CNTN5: variants seen among roughly 807,000 people sequenced by gnomAD.
CNTN5 encodes contactin 5.
A neutral mutation model predicts 129.1 loss-of-function variants in CNTN5; 77 were observed. That is an observed-to-expected ratio of 0.60 (90% CI 0.50 to 0.72). The LOEUF (loss-of-function observed/expected upper bound fraction) is 0.72. CNTN5 is among the 30% of genes least tolerant of loss of function. The pLI is 0.00. For synonymous variants in CNTN5, 509 were observed against 465.6 expected (o/e 1.09, Z -1.20); for missense variants, 1,478 against 1,328.8 (o/e 1.11, Z -1.75).
intron 3 of CNTN5, among the ~76,000 whole-genome samples, chr11:99,637,739 C>G (rs1262243057): frequency 6.6e-6 from 1 of 151,662 alleles, no homozygotes; most frequent in Non-Finnish European, 1.5e-5. Context: ...ACTATTATAT[C>G]AGTCTTGCCT....
At chr11:99,049,016 C>T (rs1424567049) in intron 1 of CNTN5, among the ~76,000 whole-genome samples, 1 of 151,954 alleles carries the variant, frequency 6.6e-6, no homozygotes, top group East Asian at 1.9e-4. Flanking sequence ...TCGTTCAATC[C>T]CTCTACCCTT....
chr11:100,020,390 C>T (rs1081364), intron 9 of CNTN5, among the ~76,000 whole-genome samples: 1,964 of 151,852 alleles, frequency 0.013, 60 homozygotes, highest in African/African-American at 0.045. Flanking sequence ...AAAGACTGTC[C>T]TTTCCTCATG....
At chr11:99,467,611 CT>C (rs1198541213) in intron 2 of CNTN5, among the ~76,000 whole-genome samples, 1 of 152,056 alleles carries the variant, frequency 6.6e-6, no homozygotes, top group East Asian at 1.9e-4. Context: ...ATTACTCTAG[CT>C]TTGTTACACA....
At chr11:99,747,509 A>G (rs1393206047) in intron 3 of CNTN5, among the ~76,000 whole-genome samples, 1 of 116,654 alleles carries the variant, frequency 8.6e-6, no homozygotes, top group Admixed American at 1.3e-4. Context: ...TCTGTAGCCC[A>G]GGCTGGAGTG....
intron 13 of CNTN5, among the ~76,000 whole-genome samples, chr11:100,084,617 T>A (rs1944478796): frequency 6.6e-6 from 1 of 152,074 alleles, no homozygotes; most frequent in East Asian, 1.9e-4. Flanking sequence ...CATATACAGA[T>A]GTTATCATTT....
chr11:99,710,637 C>T (rs890321245), intron 3 of CNTN5, among the ~76,000 whole-genome samples: 1 of 150,644 alleles, frequency 6.6e-6, no homozygotes, highest in African/African-American at 2.4e-5. Flanking sequence ...TAAAGGTCCA[C>T]ATCCCAAATC....
At chr11:99,184,601 C>T (rs1331970435) in intron 1 of CNTN5, among the ~76,000 whole-genome samples, 1 of 151,998 alleles carries the variant, frequency 6.6e-6, no homozygotes, top group Non-Finnish European at 1.5e-5. Context: ...TAGTCAATAG[C>T]CATTATGGAA....
chr11:100,192,982 T>C (rs1948535454), intron 14 of CNTN5, among the ~76,000 whole-genome samples: 1 of 151,946 alleles, frequency 6.6e-6, no homozygotes. Flanking sequence ...CAAGGTAGTG[T>C]TGTTGTAGTA....
chr11:99,726,667 A>G (rs1159644961), intron 3 of CNTN5, among the ~76,000 whole-genome samples: 1 of 152,222 alleles, frequency 6.6e-6, no homozygotes, highest in African/African-American at 2.4e-5. Flanking sequence ...TGACAATTCT[A>G]CAATACAGCA....
chr11:100,139,804 C>T (rs768947011), intron 13 of CNTN5, among the ~76,000 whole-genome samples: 8 of 151,894 alleles, frequency 5.3e-5, no homozygotes, highest in Admixed American at 1.3e-4. Flanking sequence ...GTGGAGGCTG[C>T]GGTGAGCTGA....
At position 99,817,785 on chromosome 11, in the gene CNTN5, T is replaced by G. The variant is rs76607961; in HGVS notation, c.56-1759T>G. Among the ~76,000 whole-genome samples, 565 of 152,192 alleles carry G rather than the reference T, an allele frequency of 3.7e-3. 1 individual carries two copies. Among genetic ancestry groups the G allele is most frequent in the Non-Finnish European group, 5.8e-3 (394 of 68,000 alleles). ...CCAAAACTTGCATTTAATTCCATGT[T>G]TTAAAGGAGACTTTATGTCTACCCA... On this transcript the variant is annotated intron_variant, in intron 3 of 24. Coordinates refer to ENST00000524871, the MANE Select transcript of CNTN5 (RefSeq NM_014361.4).
intron 1 of CNTN5, among the ~76,000 whole-genome samples, chr11:99,161,940 A>G (rs1591295791): frequency 6.6e-6 from 1 of 152,120 alleles, no homozygotes; most frequent in South Asian, 2.1e-4. Context: ...GTCAAGCACC[A>G]TTGTTTCTAT....
intron 3 of CNTN5, among the ~76,000 whole-genome samples, chr11:99,678,020 A>C (rs183814920): frequency 2.6e-5 from 4 of 151,906 alleles, no homozygotes; most frequent in Admixed American, 2.0e-4. Context: ...TGCTTCATAC[A>C]CTCACAGCCC....
intron 3 of CNTN5, among the ~76,000 whole-genome samples, chr11:99,802,928 G>C (rs577800864): frequency 6.6e-6 from 1 of 152,174 alleles, no homozygotes; most frequent in Non-Finnish European, 1.5e-5. Context: ...TGCCAATCCT[G>C]GTGAGCCGGT....
chr11:99,919,376 C>T (rs909444197), intron 7 of CNTN5, among the ~76,000 whole-genome samples: 3 of 152,102 alleles, frequency 2.0e-5, no homozygotes, highest in African/African-American at 7.2e-5. Context: ...ACATGGAAAC[C>T]TGCTATTCTT....
chr11:99,212,917 C>T (rs1050370760), intron 1 of CNTN5, among the ~76,000 whole-genome samples: 34 of 151,920 alleles, frequency 2.2e-4, no homozygotes, highest in African/African-American at 6.3e-4. Context: ...CCTGTCTGGG[C>T]GCAATGGCTC....
At chr11:99,851,204 A>G (rs1947863399) in intron 6 of CNTN5, among the ~76,000 whole-genome samples, 1 of 152,174 alleles carries the variant, frequency 6.6e-6, no homozygotes, top group Admixed American at 6.5e-5. Flanking sequence ...CACTTAGTTT[A>G]GCATTAATAA....
chr11:99,432,460 C>CT (rs59929712), intron 2 of CNTN5, among the ~76,000 whole-genome samples: 10,325 of 112,358 alleles, frequency 0.092, 507 homozygotes, highest in South Asian at 0.13. Context: ...CTTTTCTTTT[C>CT]TTTCCTTTTC....
At chr11:99,368,120 T>C (rs1426759166) in intron 2 of CNTN5, among the ~76,000 whole-genome samples, 1 of 152,176 alleles carries the variant, frequency 6.6e-6, no homozygotes, top group Admixed American at 6.6e-5. Context: ...GGAATCATAA[T>C]AATATTGTTG....
Sources: gnomAD v4.1 joint callset for allele counts (sites outside exome capture counted in the v4.1 genomes callset) on GRCh38, gnomAD v4.1.1 for gene constraint, MANE v1.5 for transcripts, NCBI Gene and HGNC (gene_info 2026-07-23, HGNC 2026-07-21) for gene names.